Variants in TRMT11 observed in about 807,000 individuals in gnomAD.
The protein encoded by TRMT11 is tRNA (guanine(10)-N(2))-methyltransferase TRMT11.
In TRMT11, 53 loss-of-function variants were observed where a neutral mutation model predicts 62.8. That is an observed-to-expected ratio of 0.84 (90% CI 0.68 to 1.06). The LOEUF (loss-of-function observed/expected upper bound fraction) is 1.06, where lower values mean the gene tolerates loss of function less well. TRMT11 is among the 50% of genes least tolerant of loss of function. The pLI is 0.00. For synonymous variants in TRMT11, 188 were observed against 190.3 expected (o/e 0.99, Z 0.10); for missense variants, 556 against 553.4 (o/e 1.00, Z -0.05).
At chr6:126,260,159 A>C in the TRMT11 span, among the ~76,000 whole-genome samples, 1 of 152,080 alleles carries the variant, frequency 6.6e-6, no homozygotes, top group Non-Finnish European at 1.5e-5. Flanking sequence ...ATTTTGTTGT[A>C]TACCTTTGTG....
intron 21 of TRMT11, among the ~76,000 whole-genome samples, chr6:126,134,702 T>G (rs1446258531): frequency 6.6e-6 from 1 of 151,856 alleles, no homozygotes; most frequent in Middle Eastern, 3.2e-3. Context: ...TTTTTTTGAT[T>G]ACCACATGAA....
downstream of TRMT11, among the ~76,000 whole-genome samples, chr6:126,203,399 GA>G (rs1056319456): frequency 1.3e-5 from 2 of 152,116 alleles, no homozygotes; most frequent in African/African-American, 4.8e-5. Flanking sequence ...ACACTGAGCA[GA>G]AATATCAGTA....
At chr6:125,993,870 G>A (rs772085147) in intron 2 of TRMT11, 48 bp downstream of exon 2, 2 of 1,166,218 alleles carry the variant, frequency 1.7e-6, no homozygotes, top group South Asian at 1.4e-5. Flanking sequence ...TAGAAATAGA[G>A]CCTTGGGTTT....
chr6:126,012,267 T>G (rs1794330637), intron 9 of TRMT11, among the ~76,000 whole-genome samples: 1 of 152,196 alleles, frequency 6.6e-6, no homozygotes, highest in Non-Finnish European at 1.5e-5. Flanking sequence ...AATACATTTT[T>G]TTTTTCCGAT....
intron 11 of TRMT11, among the ~76,000 whole-genome samples, chr6:126,016,385 A>C (rs1794986826): frequency 6.6e-6 from 1 of 152,136 alleles, no homozygotes; most frequent in Non-Finnish European, 1.5e-5. Context: ...TGTCCTTTTG[A>C]AATATCCTCA....
At chr6:126,238,652 A>G in the TRMT11 span, among the ~76,000 whole-genome samples, 3 of 152,160 alleles carry the variant, frequency 2.0e-5, no homozygotes, top group African/African-American at 7.2e-5. Flanking sequence ...ATTTTGGAAT[A>G]AGTGTGGTGT....
At chr6:126,132,665 A>T (rs996255266) in intron 21 of TRMT11, among the ~76,000 whole-genome samples, 8 of 152,060 alleles carry the variant, frequency 5.3e-5, no homozygotes, top group East Asian at 3.9e-4. Flanking sequence ...AACTGATTGC[A>T]GTAGTAGATT....
the TRMT11 span, among the ~76,000 whole-genome samples, chr6:126,241,732 C>T: frequency 1.3e-3 from 203 of 152,296 alleles, 1 homozygote; most frequent in African/African-American, 5.3e-4. Flanking sequence ...AGACCTTTGA[C>T]GAAATACAAC....
chr6:125,995,361 T>G (rs1446739754), intron 2 of TRMT11, among the ~76,000 whole-genome samples: 1 of 152,198 alleles, frequency 6.6e-6, no homozygotes, highest in Non-Finnish European at 1.5e-5. Context: ...CAAGAGGTTA[T>G]CTGGCTGCAG....
At chr6:126,013,920 C>T (rs1020015193) in intron 11 of TRMT11, among the ~76,000 whole-genome samples, 2 of 152,186 alleles carry the variant, frequency 1.3e-5, no homozygotes, top group Non-Finnish European at 2.9e-5. Flanking sequence ...AAAGGATTCA[C>T]GCTTCTGCTA....
At chr6:126,161,300 CA>C (rs1778187624) in intron 21 of TRMT11, among the ~76,000 whole-genome samples, 1 of 151,898 alleles carries the variant, frequency 6.6e-6, no homozygotes, top group Non-Finnish European at 1.5e-5. Flanking sequence ...TCTCATTGTT[CA>C]ACTCCCACTT....
chr6:126,038,150 T>C (rs750253716), intron 12 of TRMT11, among the ~76,000 whole-genome samples: 4 of 152,042 alleles, frequency 2.6e-5, no homozygotes, highest in Non-Finnish European at 5.9e-5. Flanking sequence ...AGTATGGAAA[T>C]CTCTTGTTTA....
At chr6:126,189,519 A>C (rs1778569107) in intron 1 of TRMT11, among the ~76,000 whole-genome samples, 2 of 152,226 alleles carry the variant, frequency 1.3e-5, no homozygotes, top group East Asian at 1.9e-4. Flanking sequence ...TTCCCAATAA[A>C]ATTTTATAGA....
the TRMT11 span, among the ~76,000 whole-genome samples, chr6:126,239,390 T>C: frequency 6.6e-6 from 1 of 152,220 alleles, no homozygotes; most frequent in African/African-American, 2.4e-5. Context: ...GGAGCTCTTT[T>C]AGGGCAGGCC....
At chr6:126,043,672 A>T (rs1443172547), downstream of TRMT11, among the ~76,000 whole-genome samples, 1 of 152,244 alleles carries the variant, frequency 6.6e-6, no homozygotes, top group Admixed American at 6.5e-5. Flanking sequence ...TCCCACCAAC[A>T]GTGTAAAACT....
intron 21 of TRMT11, among the ~76,000 whole-genome samples, chr6:126,127,618 A>T (rs1777732489): frequency 6.6e-6 from 1 of 151,328 alleles, no homozygotes; most frequent in South Asian, 2.1e-4. Flanking sequence ...CTCTTCATTT[A>T]ACATTAGGTA....
chr6:125,991,789 A>T (rs933323313), intron 1 of TRMT11, among the ~76,000 whole-genome samples: 1 of 152,322 alleles, frequency 6.6e-6, no homozygotes, highest in South Asian at 2.1e-4. Context: ...TTTACCTCTG[A>T]TAGAGTTAAT....
At chr6:126,129,447 C>A (rs1274514185) in intron 21 of TRMT11, among the ~76,000 whole-genome samples, 2 of 152,100 alleles carry the variant, frequency 1.3e-5, no homozygotes, top group African/African-American at 4.8e-5. Context: ...TACAAACCAA[C>A]CCCTCACATG....
At chr6:126,158,067 GAAT>G in intron 21 of TRMT11, among the ~76,000 whole-genome samples, 1 of 152,034 alleles carries the variant, frequency 6.6e-6, no homozygotes, top group Admixed American at 6.6e-5. Flanking sequence ...CTATATAACA[GAAT>G]AATAGTAATA....
Sources: allele counts gnomAD v4.1 joint callset (sites outside exome capture counted in the v4.1 genomes callset), GRCh38; gene constraint gnomAD v4.1.1; transcripts MANE v1.5; gene names NCBI Gene and HGNC (gene_info 2026-07-23, HGNC 2026-07-21).